PTPRN2: variants seen among roughly 807,000 people sequenced by gnomAD.
PTPRN2 encodes the protein receptor-type tyrosine-protein phosphatase N2.
A neutral mutation model predicts 118.8 loss-of-function variants in PTPRN2; 74 were observed. The observed-to-expected ratio is 0.62, with a 90% CI of 0.52 to 0.76. The LOEUF (loss-of-function observed/expected upper bound fraction) is 0.76, where lower values mean the gene tolerates loss of function less well. Among genes scored for constraint, PTPRN2 ranks in the 30% least tolerant of loss-of-function variants. The pLI is 0.00. For missense variants in PTPRN2, 1,481 were observed against 1,394.4 expected (o/e 1.06, Z -0.99); for synonymous variants, 641 against 608.0 (o/e 1.05, Z -0.80).
intron 11 of PTPRN2, among the ~76,000 whole-genome samples, chr7:158,044,379 TTC>T (rs1808688963): frequency 6.6e-6 from 1 of 152,086 alleles, no homozygotes; most frequent in African/African-American, 2.4e-5. Flanking sequence ...CTGGGGCCCC[TTC>T]TCCCCGCACA....
chr7:157,929,727 G>A lies in PTPRN2; in HGVS notation c.1724-30990C>T, dbSNP rs905200289. Among the ~76,000 whole-genome samples the A allele has an allele frequency of 6.9e-5, 10 of 145,512 alleles. No individual in the cohort carries two copies. The highest frequency in any genetic ancestry group is 2.6e-4 in the African/African-American group (10 of 37,980). On this transcript the variant is annotated intron_variant, in intron 11 of 22. Transcript: ENST00000389418. The surrounding 1 kb of genome is among the most constrained non-coding windows in gnomAD (Gnocchi z 4.4). ...CGGGTGGGGGCGGCATCCTCACAGG[G>A]GTGAGGAGCTCTGTGCTGCTGTTGA...
chr7:158,134,354 G>A (rs962108358), intron 8 of PTPRN2, among the ~76,000 whole-genome samples: 3 of 152,122 alleles, frequency 2.0e-5, no homozygotes, highest in Non-Finnish European at 4.4e-5. Context: ...ATTTTGTAGA[G>A]TTTGTGTAGG....
chr7:157,726,394 G>T (rs1210099338), intron 12 of PTPRN2, among the ~76,000 whole-genome samples: 1 of 151,540 alleles, frequency 6.6e-6, no homozygotes, highest in African/African-American at 2.4e-5. Context: ...GAGGAGTGTG[G>T]CCAGACCCTC....
At chr7:157,805,291 G>C (rs73165862) in intron 12 of PTPRN2, among the ~76,000 whole-genome samples, 4 of 111,934 alleles carry the variant, frequency 3.6e-5, no homozygotes, top group African/African-American at 8.8e-5. Flanking sequence ...ATATACTCCT[G>C]TGTGTGTGTG....
At chr7:158,512,555 C>T (rs888316840) in intron 1 of PTPRN2, among the ~76,000 whole-genome samples, 7 of 152,160 alleles carry the variant, frequency 4.6e-5, no homozygotes. Context: ...CACACACATG[C>T]ATAGTCACAC....
chr7:158,134,587 C>A (rs1186073416), intron 8 of PTPRN2, among the ~76,000 whole-genome samples: 1 of 152,160 alleles, frequency 6.6e-6, no homozygotes, highest in Non-Finnish European at 1.5e-5. Context: ...CCCCAGTTCA[C>A]AGAAGGGGAG....
intron 2 of PTPRN2, among the ~76,000 whole-genome samples, chr7:158,319,352 G>A (rs1243527420): frequency 6.6e-6 from 1 of 151,908 alleles, no homozygotes; most frequent in Non-Finnish European, 1.5e-5. Flanking sequence ...GGAAAGTAGG[G>A]ATATTTTCCA....
rs372522598 is a variant in PTPRN2 at position 158,080,579 on chromosome 7, T to TAAAAAA, written c.1723+713_1723+718dup. ...ACTCTACAAGAGTTTTCAACAAGTT[T>TAAAAAA]AAAAAAAAAAAAAAAGGCAGGTTGA... On this transcript the variant is annotated intron_variant, in intron 11 of 22. Transcript: ENST00000389418. 6.3e-5 allele frequency among the ~76,000 whole-genome samples: 9 copies of TAAAAAA among 141,884 alleles called. No individual in the cohort carries two copies. The South Asian group carries it at 2.0e-3, about 32-fold the overall frequency. 93.1% of individuals were successfully genotyped at this position (141,884 alleles called of 152,430 possible). A position where few individuals can be genotyped will look rare whatever the true frequency, so the allele number is the denominator to read the frequency against.
At chr7:158,044,351 C>A (rs1046422526) in intron 11 of PTPRN2, among the ~76,000 whole-genome samples, 13 of 152,208 alleles carry the variant, frequency 8.5e-5, no homozygotes, top group African/African-American at 3.1e-4. Context: ...CTCACTGCTG[C>A]TGAATCTGTA....
chr7:158,124,515 A>T (rs1304094928), intron 9 of PTPRN2, among the ~76,000 whole-genome samples: 1 of 152,260 alleles, frequency 6.6e-6, no homozygotes, highest in Non-Finnish European at 1.5e-5. Context: ...ATGTGTGATT[A>T]TTACAAATTA....
At chr7:157,862,619 G>A (rs1050618412) in intron 12 of PTPRN2, 6 of 152,230 alleles carry the variant, frequency 3.9e-5, no homozygotes, top group Admixed American at 1.3e-4. Flanking sequence ...TGGAACCACC[G>A]GTGCAGGCTT....
intron 3 of PTPRN2, among the ~76,000 whole-genome samples, chr7:158,295,137 A>C (rs1185380216): frequency 9.2e-6 from 1 of 109,216 alleles, no homozygotes; most frequent in Admixed American, 1.0e-4. Context: ...AGCCCATGGC[A>C]CCCGCTGACC....
rs73729765 is a variant in PTPRN2, at chr7:158,361,721, A to G, written c.164-44789T>C. Among the ~76,000 whole-genome samples, 1,069 of 152,190 alleles carry G rather than the reference A, an allele frequency of 7.0e-3. 11 individuals are homozygous for G. The highest frequency in any genetic ancestry group is 0.024 in the African/African-American group (1,017 of 41,520). On this transcript the variant is annotated intron_variant, in intron 2 of 22. Transcript: ENST00000389418. ...CCTGGGGGATCCTAGGCAGGCATGG[A>G]TCTGTGTTCCCCCAACACAGATACC...
chr7:158,302,154 G>C (rs187784952), intron 3 of PTPRN2, among the ~76,000 whole-genome samples: 2 of 152,268 alleles, frequency 1.3e-5, no homozygotes, highest in East Asian at 3.9e-4. Context: ...TGACATTCAG[G>C]GTGGTGGGTA....
chr7:157,570,248 A>G (rs1375241785), intron 20 of PTPRN2, among the ~76,000 whole-genome samples: 4 of 152,242 alleles, frequency 2.6e-5, no homozygotes, highest in East Asian at 3.8e-4. Flanking sequence ...TCCTATGCAC[A>G]GCATATATTC....
At position 157,850,223 on chromosome 7, in the gene PTPRN2, A is replaced by C. The variant is rs568099809; in HGVS notation, c.1788+48450T>G. On this transcript the variant is annotated intron_variant, in intron 12 of 22. Transcript: ENST00000389418. ...GATGTGGTCAGATTCCAAATTTCCG[A>C]AGTGCGGAGCCTCAGGCTCACATAA... is the stretch of plus-strand genomic sequence containing the variant. 3.3e-5 allele frequency among the ~76,000 whole-genome samples: 5 copies of C among 152,290 alleles called. No individual in the cohort carries two copies. In the South Asian group the frequency reaches 1.0e-3, roughly 32 times the overall value.
intron 12 of PTPRN2, among the ~76,000 whole-genome samples, chr7:157,757,408 C>A (rs1801852519): frequency 6.6e-6 from 1 of 152,120 alleles, no homozygotes; most frequent in Non-Finnish European, 1.5e-5. Flanking sequence ...AGCTCACCCT[C>A]CGACTGAGGC....
intron 6 of PTPRN2, among the ~76,000 whole-genome samples, chr7:158,153,320 T>C (rs1265632334): frequency 6.6e-6 from 1 of 152,234 alleles, no homozygotes; most frequent in Admixed American, 6.5e-5. Context: ...GAACCCAGCA[T>C]TCAGAAAGCC....
At chr7:158,021,659 G>C (rs539615153) in intron 11 of PTPRN2, among the ~76,000 whole-genome samples, 2 of 152,024 alleles carry the variant, frequency 1.3e-5, no homozygotes, top group Admixed American at 6.6e-5. Context: ...CCCACATCCT[G>C]ATCTCTGATG....
Sources: allele counts gnomAD v4.1 joint callset (sites outside exome capture counted in the v4.1 genomes callset), GRCh38; gene constraint gnomAD v4.1.1; non-coding constraint Gnocchi (gnomAD v3.1); transcripts MANE v1.5; gene names NCBI Gene and HGNC (gene_info 2026-07-23, HGNC 2026-07-21).